The following CCDC170 variants were observed in gnomAD, a reference collection of about 807,000 sequenced individuals.
CCDC170 encodes coiled-coil domain containing 170.
A neutral mutation model predicts 72.6 loss-of-function variants in CCDC170; 69 were observed. The ratio of observed to expected loss-of-function variants is 0.95; its 90% confidence interval spans 0.78 to 1.16. The LOEUF (loss-of-function observed/expected upper bound fraction) is 1.16. Among genes scored for constraint, CCDC170 ranks in the 50% most tolerant of loss-of-function variants. The probability of loss-of-function intolerance (pLI) is 0.00; values close to 1 mark genes in which losing one functional copy is unlikely to be tolerated. For missense variants in CCDC170, 852 were observed against 832.5 expected (o/e 1.02, Z -0.29); for synonymous variants, 300 against 303.9 (o/e 0.99, Z 0.13).
intron 9 of CCDC170, among the ~76,000 whole-genome samples, chr6:151,607,796 G>C (rs533021281): frequency 9.2e-5 from 14 of 152,092 alleles, no homozygotes; most frequent in Non-Finnish European, 1.5e-4. Flanking sequence ...TTGACTTTTA[G>C]ACTATAATGT....
At chr6:151,610,053 A>G (rs1776845358) in intron 9 of CCDC170, among the ~76,000 whole-genome samples, 2 of 152,204 alleles carry the variant, frequency 1.3e-5, no homozygotes, top group African/African-American at 4.8e-5. Flanking sequence ...TTTAAAATTC[A>G]ACATACCAAT....
rs142469449 is a variant in CCDC170, at chr6:151,521,701, G to A, written c.58-14617G>A. On this transcript the variant is annotated intron_variant, in intron 1 of 10. Coordinates refer to ENST00000239374, the MANE Select transcript of CCDC170 (RefSeq NM_025059.4). ...CATTCTTAGTTTAAGCGTAAGTTTC[G>A]GGCCAGGCGTGGTGGCTCACGCCAG... is the stretch of plus-strand genomic sequence containing the variant. Among the ~76,000 whole-genome samples the A allele has an allele frequency of 8.0e-4, 121 of 152,170 alleles. 1 individual carries two copies. The highest frequency in any genetic ancestry group is 2.5e-3 in the African/African-American group (105 of 41,544).
At position 151,509,938 on chromosome 6, in the gene CCDC170, C is replaced by T. The variant is rs145135839; in HGVS notation, c.57+15753C>T. On this transcript the variant is annotated intron_variant, in intron 1 of 10. Coordinates refer to ENST00000239374, the MANE Select transcript of CCDC170 (RefSeq NM_025059.4). Reference sequence around the variant, plus strand: ...AGGAGTTCCAGACCAGCCTGGCCAACATAGTGAAACTCCGTCTCCACTAAA... The same window carrying T: ...AGGAGTTCCAGACCAGCCTGGCCAATATAGTGAAACTCCGTCTCCACTAAA... Among the ~76,000 whole-genome samples, 120 of 152,156 alleles carry T rather than the reference C, an allele frequency of 7.9e-4. 1 individual carries two copies. In the East Asian group the frequency reaches 0.021, roughly 26 times the overall value.
At chr6:151,572,649 G>GTTTTTTTTTTTTTGTTTTTT (rs1776235119) in intron 5 of CCDC170, among the ~76,000 whole-genome samples, 3 of 37,988 alleles carry the variant, frequency 7.9e-5, no homozygotes, top group East Asian at 6.9e-4. Context: ...CCTTCTCTGT[G>GTTTTTTTTTTTTTGTTTTTT]TTTTTTTTTT....
intron 3 of CCDC170, 79 bp downstream of exon 3, chr6:151,538,380 G>C: frequency 7.3e-7 from 1 of 1,369,300 alleles, no homozygotes; most frequent in Non-Finnish European, 1.0e-6. Flanking sequence ...GTCTTTGAAA[G>C]TACTGGCATT....
chr6:151,612,874 T>C (rs1159153659), intron 9 of CCDC170, among the ~76,000 whole-genome samples: 2 of 152,094 alleles, frequency 1.3e-5, no homozygotes, highest in African/African-American at 4.8e-5. Flanking sequence ...AAAATAATGC[T>C]TTTTCTTTGA....
At chr6:151,614,915 C>T (rs184659357) in intron 9 of CCDC170, among the ~76,000 whole-genome samples, 4 of 152,286 alleles carry the variant, frequency 2.6e-5, no homozygotes, top group Admixed American at 2.6e-4. Flanking sequence ...TGTTCACCTC[C>T]CAGACTCACT....
chr6:151,607,670 C>T lies in CCDC170; in HGVS notation c.1711-7773C>T, dbSNP rs182091659. 1.9e-3 allele frequency among the ~76,000 whole-genome samples: 286 copies of T among 151,982 alleles called. 2 individuals carry two copies. Among genetic ancestry groups the T allele is most frequent in the Admixed American group, 3.1e-3 (48 of 15,270 alleles). ...TTTAGCACTTTGAATCCCATTCTCT[C>T]CTAACCTGTAAGGTTTCTCTTGAGA... On this transcript the variant is annotated intron_variant, in intron 9 of 10. Coordinates refer to ENST00000239374, the MANE Select transcript of CCDC170 (RefSeq NM_025059.4).
At chr6:151,537,035 T>C (rs1309313798) in intron 2 of CCDC170, among the ~76,000 whole-genome samples, 1 of 152,122 alleles carries the variant, frequency 6.6e-6, no homozygotes, top group Non-Finnish European at 1.5e-5. Flanking sequence ...TAAAGCTCCA[T>C]GGGCCTCAGA....
intron 3 of CCDC170, 32 bp from the exon 4 acceptor site, chr6:151,544,540 A>G (rs1244333553): frequency 6.3e-7 from 1 of 1,591,584 alleles, no homozygotes; most frequent in Admixed American, 1.7e-5. Flanking sequence ...CCATGGTGTT[A>G]AATTCTGACT....
rs1330908336 is a variant in CCDC170, at chr6:151,537,438, A to G, written c.187-607A>G. ...GGTAGATCTGACATTTTAACTCAAT[A>G]GGGCACATATATTGTTCAGCATTTC... On this transcript the variant is annotated intron_variant, in intron 2 of 10. Transcript: ENST00000239374. Among the ~76,000 whole-genome samples, 3 of 152,326 alleles carry G rather than the reference A, an allele frequency of 2.0e-5. No individual in the cohort carries two copies. The East Asian group carries it at 5.8e-4, about 29-fold the overall frequency.
intron 1 of CCDC170, among the ~76,000 whole-genome samples, chr6:151,505,915 A>G (rs1219545520): frequency 2.6e-5 from 4 of 152,080 alleles, no homozygotes. Context: ...TGAGCAACAT[A>G]GTGAGACCCC....
At chr6:151,606,179 G>A (rs1776780246) in intron 9 of CCDC170, among the ~76,000 whole-genome samples, 1 of 152,190 alleles carries the variant, frequency 6.6e-6, no homozygotes, top group South Asian at 2.1e-4. Context: ...TGGGATTACA[G>A]GCGTGAGCCA....
chr6:151,593,285 G>A lies in CCDC170; in HGVS notation c.1467+5G>A. On this transcript the variant is annotated splice_donor_5th_base_variant and intron_variant, in intron 8 of 10. Transcript: ENST00000239374. ...GCCCACAATTTGCAGAGAAAGGTAGGAGATATTGAAACTTGCTAGTATTGA... is the reference window on the plus strand; with the variant it reads ...GCCCACAATTTGCAGAGAAAGGTAGAAGATATTGAAACTTGCTAGTATTGA... The A allele has an allele frequency of 6.2e-7, 1 of 1,611,200 alleles. No individual in the cohort carries two copies.
chr6:151,604,673 G>A (rs1460554121), intron 9 of CCDC170, among the ~76,000 whole-genome samples: 2 of 152,166 alleles, frequency 1.3e-5, no homozygotes, highest in African/African-American at 4.8e-5. Context: ...GGTAGGGAAG[G>A]AGGGGAAGTG....
intron 1 of CCDC170, among the ~76,000 whole-genome samples, chr6:151,502,542 T>G (rs1782007117): frequency 6.6e-6 from 1 of 152,234 alleles, no homozygotes; most frequent in African/African-American, 2.4e-5. Context: ...AAGGAACAAT[T>G]TTAAGACTTG....
At chr6:151,569,187 T>G (rs1245171186) in intron 5 of CCDC170, among the ~76,000 whole-genome samples, 3 of 152,222 alleles carry the variant, frequency 2.0e-5, no homozygotes, top group Non-Finnish European at 4.4e-5. Flanking sequence ...ACAGGTTCTC[T>G]GTCCTGATGA....
At chr6:151,516,114 C>T (rs900490704) in intron 1 of CCDC170, among the ~76,000 whole-genome samples, 8 of 151,450 alleles carry the variant, frequency 5.3e-5, no homozygotes, top group Admixed American at 2.0e-4. Flanking sequence ...TAAAATACTT[C>T]GATTTCTTTC....
chr6:151,563,197 C>T (rs1187991256), intron 5 of CCDC170, among the ~76,000 whole-genome samples: 1 of 152,134 alleles, frequency 6.6e-6, no homozygotes, highest in Non-Finnish European at 1.5e-5. Flanking sequence ...GGCTCACTTT[C>T]AGCATGGTAG....
Sources: gnomAD v4.1 joint callset for allele counts (sites outside exome capture counted in the v4.1 genomes callset) on GRCh38, gnomAD v4.1.1 for gene constraint, MANE v1.5 for transcripts, NCBI Gene and HGNC (gene_info 2026-07-23, HGNC 2026-07-21) for gene names.